The following ZNF589 variants were observed in gnomAD, a reference collection of about 807,000 sequenced individuals.
ZNF589 encodes KRAB-zinc finger protein SZF1-1.
ZNF589 carries 17 observed loss-of-function variants against 13.6 expected under a neutral mutation model. That is an observed-to-expected ratio of 1.25 (90% CI 0.86 to 1.88). The LOEUF (loss-of-function observed/expected upper bound fraction) is 1.88. ZNF589 is among the 40% of genes most tolerant of loss of function. The pLI, the probability that ZNF589 is intolerant of heterozygous loss-of-function variation, is 0.00. For synonymous variants in ZNF589, 148 were observed against 161.6 expected (o/e 0.92, Z 0.64); for missense variants, 407 against 434.0 (o/e 0.94, Z 0.55).
chr3:48,263,059 G>A (rs1390578726), intron 3 of ZNF589, among the ~76,000 whole-genome samples: 1 of 152,036 alleles, frequency 6.6e-6, no homozygotes, highest in Non-Finnish European at 1.5e-5. Context: ...ATGTAGCCTT[G>A]TCAAGAGATT....
rs111775307 is a variant in ZNF589 at position 48,270,859 on chromosome 3, G to A, written c.*2073G>A. On this transcript the variant is annotated 3_prime_UTR_variant, in exon 4 of 4. Transcript: ENST00000354698. ...TAGCCTGCTTAGGGGAAGGGCTAGG[G>A]GTACCTGGAATGTAGGATCTCCCCC... The A allele has an allele frequency of 1.5e-3, 257 of 167,364 alleles. 1 individual carries two copies. Among genetic ancestry groups the A allele is most frequent in the African/African-American group, 5.8e-3 (244 of 41,738 alleles). 10.4% of individuals were successfully genotyped at this position (167,364 alleles called of 1,614,324 possible).
intron 2 of ZNF589, among the ~76,000 whole-genome samples, chr3:48,255,325 G>A (rs187419392): frequency 4.7e-5 from 7 of 150,530 alleles, no homozygotes; most frequent in South Asian, 2.1e-4. Context: ...ACAGGTGTGC[G>A]CCACCACGCC....
At chr3:48,245,792 C>T (rs755492308) in intron 1 of ZNF589, among the ~76,000 whole-genome samples, 4 of 151,542 alleles carry the variant, frequency 2.6e-5, no homozygotes, top group African/African-American at 7.3e-5. Flanking sequence ...ACCAAAAATA[C>T]GAAAATTAGC....
intron 2 of ZNF589, among the ~76,000 whole-genome samples, chr3:48,252,064 G>A (rs2033844226): frequency 6.6e-6 from 1 of 151,848 alleles, no homozygotes; most frequent in African/African-American, 2.4e-5. Flanking sequence ...TCAATTGTGG[G>A]TCTGTTTTCT....
At chr3:48,254,396 T>C (rs533750794) in intron 2 of ZNF589, among the ~76,000 whole-genome samples, 27 of 152,360 alleles carry the variant, frequency 1.8e-4, no homozygotes, top group Admixed American at 9.1e-4. Flanking sequence ...AGTCTTGGAA[T>C]TGGGTAATAT....
chr3:48,264,303 G>C (rs971860311), intron 3 of ZNF589, among the ~76,000 whole-genome samples: 2 of 152,144 alleles, frequency 1.3e-5, no homozygotes, highest in Non-Finnish European at 2.9e-5. Context: ...GGGAGGCCGA[G>C]GCAGGCAGAT....
intron 1 of ZNF589, among the ~76,000 whole-genome samples, chr3:48,246,033 C>G (rs1464370139): frequency 6.6e-6 from 1 of 151,938 alleles, no homozygotes. Context: ...CCACAATAGG[C>G]CAGGCGTCGT....
chr3:48,248,472 G>A (rs185398575), intron 2 of ZNF589, among the ~76,000 whole-genome samples: 8 of 152,192 alleles, frequency 5.3e-5, no homozygotes, highest in Admixed American at 2.0e-4. Flanking sequence ...CCAACTCTAC[G>A]AAATGGGGTT....
intron 1 of ZNF589, among the ~76,000 whole-genome samples, chr3:48,244,556 G>C (rs1241444470): frequency 3.3e-5 from 5 of 152,094 alleles, no homozygotes; most frequent in African/African-American, 1.2e-4. Flanking sequence ...TGCAAGAGGA[G>C]AAATTGTATA....
intron 1 of ZNF589, among the ~76,000 whole-genome samples, chr3:48,245,424 A>G (rs75899098): frequency 0.011 from 1,719 of 152,150 alleles, 34 homozygotes; most frequent in African/African-American, 0.039. Context: ...GCCAGCTTCT[A>G]TGTATCTTAT....
intron 3 of ZNF589, among the ~76,000 whole-genome samples, chr3:48,266,052 AG>A (rs1315292641): frequency 2.0e-5 from 3 of 151,670 alleles, no homozygotes; most frequent in Non-Finnish European, 4.4e-5. Flanking sequence ...AAGACAAGAC[AG>A]GGTTCAGGAT....
At chr3:48,247,436 T>G (rs2033781317) in intron 1 of ZNF589, among the ~76,000 whole-genome samples, 189 bp from the exon 2 acceptor site, 1 of 151,846 alleles carries the variant, frequency 6.6e-6, no homozygotes, top group South Asian at 2.1e-4. Flanking sequence ...TCTGTAAAAA[T>G]GTAATAGGGA....
At chr3:48,263,483 C>CT (rs1349520484) in intron 3 of ZNF589, among the ~76,000 whole-genome samples, 1 of 152,160 alleles carries the variant, frequency 6.6e-6, no homozygotes, top group Non-Finnish European at 1.5e-5. Flanking sequence ...TGGCTCATGC[C>CT]TGTAATCCCA....
rs151241825 is a variant in ZNF589, at chr3:48,249,074, C to T, written c.96+1397C>T. On this transcript the variant is annotated intron_variant, in intron 2 of 3. Transcript: ENST00000354698. ...CAGCTGCCTTTATCCTTTATTTTCC[C>T]GTATTCCCTTCTCTGCCCCAACCTT... 6.1e-4 allele frequency among the ~76,000 whole-genome samples: 93 copies of T among 151,570 alleles called. No individual in the cohort carries two copies. The East Asian group carries it at 0.017, about 27-fold the overall frequency.
chr3:48,252,465 A>AC (rs1362131269), intron 2 of ZNF589, among the ~76,000 whole-genome samples: 1 of 151,888 alleles, frequency 6.6e-6, no homozygotes, highest in African/African-American at 2.4e-5. Flanking sequence ...TGCTGGGATT[A>AC]CAGGCATGAG....
At chr3:48,261,533 A>G (rs2033969545) in intron 3 of ZNF589, among the ~76,000 whole-genome samples, 1 of 152,248 alleles carries the variant, frequency 6.6e-6, no homozygotes. Context: ...TAAATCTGTC[A>G]GTTTGATGTT....
Position 48,268,734 on chromosome 3 carries a change from T to C in ZNF589, c.1043T>C (p.Ile348Thr), listed in dbSNP as rs1337025964. The change falls in exon 4 of 4, where the codon ATT (isoleucine) becomes ACT (threonine). Residue 348 changes from isoleucine to threonine, a missense_variant. Physicochemically the swap from Ile to Thr is moderately conservative, Grantham distance 89. Coordinates refer to ENST00000354698, the MANE Select transcript of ZNF589 (RefSeq NM_016089.3). ...GGCTTTCGTGAAAAGTCAGAGCTCA[T>C]TAAGCACCAGAGAATTCACACGGGG... Reference protein sequence around the residue: ...GRGFREKSELIKHQRIHTGDK... With the variant: ...GRGFREKSELTKHQRIHTGDK... 1 of 1,613,774 alleles carries C rather than the reference T, an allele frequency of 6.2e-7. No individual in the cohort carries two copies. Among genetic ancestry groups the C allele is most frequent in the Admixed American group, 1.7e-5 (1 of 59,988 alleles).
At chr3:48,241,712 G>A (rs1426515917) in intron 1 of ZNF589, among the ~76,000 whole-genome samples, 1 of 151,994 alleles carries the variant, frequency 6.6e-6, no homozygotes, top group Non-Finnish European at 1.5e-5. Context: ...TGTATTTTTA[G>A]TAGAGACGGG....
intron 2 of ZNF589, among the ~76,000 whole-genome samples, chr3:48,254,341 T>G (rs1025203957): frequency 2.6e-5 from 4 of 152,216 alleles, no homozygotes; most frequent in Non-Finnish European, 4.4e-5. Flanking sequence ...CTTGCCTTTG[T>G]TTTTGCCCAT....
Sources: gnomAD v4.1 joint callset for allele counts (sites outside exome capture counted in the v4.1 genomes callset) on GRCh38, gnomAD v4.1.1 for gene constraint, MANE v1.5 for transcripts, NCBI Gene and HGNC (gene_info 2026-07-23, HGNC 2026-07-21) for gene names.